The following SEC61A2 variants were observed in gnomAD, a reference collection of about 807,000 sequenced individuals.
SEC61A2 encodes the protein protein transport protein Sec61 subunit alpha isoform 2.
Under a neutral mutation model 59.9 loss-of-function variants are expected in SEC61A2, and 28 were observed. The ratio of observed to expected loss-of-function variants is 0.47; its 90% CI spans 0.35 to 0.64. The LOEUF (loss-of-function observed/expected upper bound fraction) is 0.64. Among genes scored for constraint, SEC61A2 ranks in the 30% least tolerant of loss-of-function variants. The pLI is 0.01. For synonymous variants in SEC61A2, 202 were observed against 214.4 expected (o/e 0.94, Z 0.50); for missense variants, 340 against 585.9 (o/e 0.58, Z 4.33).
At position 12,162,321 on chromosome 10, in the gene SEC61A2, CTGTGTT is replaced by C; in HGVS notation, c.1244+40_1244+45del. 6.5e-7 allele frequency: 1 copy of C among 1,533,824 alleles called. No homozygotes were observed. On this transcript the variant is annotated intron_variant, in intron 11 of 11. Transcript: ENST00000298428. This position sits in a 1 kb window ranked among gnomAD's most constrained non-coding sequence, Gnocchi z 6.1. The stretch of plus-strand genomic sequence containing the variant: ...CTGCTAGACTGACACCTTTATAGGC[CTGTGTT>C]TGTGTTTCAGTCTTTCAGTGTTGGC...
chr10:12,148,685 G>A (rs1292491060), intron 4 of SEC61A2, among the ~76,000 whole-genome samples: 2 of 151,584 alleles, frequency 1.3e-5, no homozygotes, highest in South Asian at 2.1e-4. Flanking sequence ...GACTACAGGC[G>A]CACGCCACCA....
At chr10:12,133,076 C>T (rs1833799463) in intron 1 of SEC61A2, among the ~76,000 whole-genome samples, 165 bp from the exon 2 acceptor site, 1 of 152,186 alleles carries the variant, frequency 6.6e-6, no homozygotes, top group Non-Finnish European at 1.5e-5. Flanking sequence ...ATATCTCTTC[C>T]TTTACATATC....
Position 12,153,593 on chromosome 10 carries a change from A to C in SEC61A2, c.463-2185A>C. The C allele has an allele frequency of 5.1e-6, 4 of 781,202 alleles. No individual in the cohort carries two copies. The South Asian group carries it at 1.2e-4, about 23-fold the overall frequency. The allele number at this position is 781,202 out of a possible 1,614,324, so 48.4% of individuals were successfully genotyped here. The stretch of plus-strand genomic sequence containing the variant: ...ATACTTACAGTCCAAGAATGAAACA[A>C]GTGAAGTGGATGTACACTGATTCAT... On this transcript the variant is annotated intron_variant, in intron 6 of 11. Coordinates refer to ENST00000298428, the MANE Select transcript of SEC61A2 (RefSeq NM_018144.4). The surrounding 1 kb of genome is among the most constrained non-coding windows in gnomAD (Gnocchi z 5.2).
chr10:12,157,134 C>T, intron 8 of SEC61A2, 67 bp downstream of exon 8: 1 of 1,443,696 alleles, frequency 6.9e-7, no homozygotes, highest in Non-Finnish European at 9.6e-7. Context: ...AAGAGAATGC[C>T]ATCTGACATG....
intron 2 of SEC61A2, 74 bp downstream of exon 2, chr10:12,133,382 T>A (rs1833808916): frequency 6.7e-6 from 5 of 743,930 alleles, no homozygotes; most frequent in Non-Finnish European, 9.3e-6. Flanking sequence ...ATTCATTTCC[T>A]TACCTCAGTC....
downstream of SEC61A2, chr10:12,166,837 G>A (rs1012971675): frequency 1.3e-5 from 6 of 452,660 alleles, no homozygotes; most frequent in Admixed American, 1.0e-4. Context: ...AGGGTTTCAG[G>A]CATGGGAACC....
In SEC61A2 at chr10:12,164,745, G is replaced by C; in HGVS notation, c.*291G>C. 1 of 1,161,058 alleles carries C rather than the reference G, an allele frequency of 8.6e-7. No individual in the cohort carries two copies. Among genetic ancestry groups the C allele is most frequent in the South Asian group, 2.6e-5 (1 of 38,306 alleles). The allele number at this position is 1,161,058 out of a possible 1,614,324, so 71.9% of individuals were successfully genotyped here. A position where few individuals can be genotyped will look rare whatever the true frequency, so the allele number is the denominator to read the frequency against. ...TGTTAAATCATGACAGTGAGACGGT[G>C]AGATGGATTCGTTTTGCACACAACA... On this transcript the variant is annotated 3_prime_UTR_variant, in exon 12 of 12. Coordinates refer to ENST00000298428, the MANE Select transcript of SEC61A2 (RefSeq NM_018144.4). The surrounding 1 kb of genome is among the most constrained non-coding windows in gnomAD (Gnocchi z 7.3).
intron 8 of SEC61A2, among the ~76,000 whole-genome samples, chr10:12,157,564 G>A (rs1303644712): frequency 2.7e-5 from 4 of 148,900 alleles, no homozygotes; most frequent in African/African-American, 2.5e-5. Flanking sequence ...GTGCAATGGC[G>A]CAATCCCGGC....
rs879546982 is a variant in SEC61A2, at chr10:12,164,153, G to A, written c.1245-115G>A. On this transcript the variant is annotated intron_variant, in intron 11 of 11. Transcript: ENST00000298428. The surrounding 1 kb of genome is among the most constrained non-coding windows in gnomAD (Gnocchi z 7.3). ...CACACTGCAGCCTGTTCCCTCTGGA[G>A]TTCAGGGAGGCTTTAGACCCAGCTA... 3 of 1,204,450 alleles carry A rather than the reference G, an allele frequency of 2.5e-6. No homozygotes were observed. Among genetic ancestry groups the A allele is most frequent in the Non-Finnish European group, 2.3e-6 (2 of 863,388 alleles). 74.6% of individuals were successfully genotyped at this position (1,204,450 alleles called of 1,614,324 possible).
rs79405453 is a variant in SEC61A2, at chr10:12,131,991, C to A, written c.8-1250C>A. Among the ~76,000 whole-genome samples the A allele has an allele frequency of 6.2e-4, 29 of 46,620 alleles. 1 individual carries two copies. The South Asian group carries it at 0.011, about 18-fold the overall frequency. 30.6% of individuals were successfully genotyped at this position (46,620 alleles called of 152,430 possible). On this transcript the variant is annotated intron_variant, in intron 1 of 11. Coordinates refer to ENST00000298428, the MANE Select transcript of SEC61A2 (RefSeq NM_018144.4). Reference sequence around the variant, plus strand: ...GGATTACAGGCGTGAGCCAACAAGCCCGGCCTACATACTTTAAAAAGGTAA... The same window carrying A: ...GGATTACAGGCGTGAGCCAACAAGCACGGCCTACATACTTTAAAAAGGTAA...
At chr10:12,135,556 A>G (rs1230817494) in intron 2 of SEC61A2, among the ~76,000 whole-genome samples, 1 of 152,172 alleles carries the variant, frequency 6.6e-6, no homozygotes, top group East Asian at 1.9e-4. Flanking sequence ...TGTATCCATC[A>G]CCCAGATAAC....
Position 12,152,774 on chromosome 10 carries a change from TC to T in SEC61A2, c.462+2816del, listed in dbSNP as rs201259251. Among the ~76,000 whole-genome samples, 3,554 of 152,266 alleles carry T rather than the reference TC, an allele frequency of 0.023. 79 individuals carry two copies. The highest frequency in any genetic ancestry group is 0.033 in the Non-Finnish European group (2,221 of 68,014). On this transcript the variant is annotated intron_variant, in intron 6 of 11. Transcript: ENST00000298428. This position sits in a 1 kb window ranked among gnomAD's most constrained non-coding sequence, Gnocchi z 5.5. ...AGGGCGTGGTGGCAGGAGCCTGTAG[TC>T]CCAGCTATTTGGGAGGCTGAGGCCG...
Position 12,149,132 on chromosome 10 carries a change from C to T in SEC61A2, c.221-463C>T, listed in dbSNP as rs767780144. Among the ~76,000 whole-genome samples the T allele has an allele frequency of 4.6e-5, 7 of 152,016 alleles. No homozygotes were observed. Among genetic ancestry groups the T allele is most frequent in the African/African-American group, 1.4e-4 (6 of 41,392 alleles). Reference sequence around the variant, plus strand: ...TGAGATGGAGTCTCACTCTGTTGCCCGGGCTGGAGTGCAGTGGCGCAATCT... The same window carrying T: ...TGAGATGGAGTCTCACTCTGTTGCCTGGGCTGGAGTGCAGTGGCGCAATCT... On this transcript the variant is annotated intron_variant, in intron 4 of 11. Coordinates refer to ENST00000298428, the MANE Select transcript of SEC61A2 (RefSeq NM_018144.4). The surrounding 1 kb of genome is among the most constrained non-coding windows in gnomAD (Gnocchi z 5.2).
intron 3 of SEC61A2, among the ~76,000 whole-genome samples, chr10:12,139,511 G>A (rs530786543): frequency 2.0e-5 from 3 of 151,784 alleles, no homozygotes; most frequent in South Asian, 4.2e-4. Flanking sequence ...TGAGCTGGGC[G>A]CGGTAGCTCA....
chr10:12,167,669 C>T (rs763230843), downstream of SEC61A2: 7 of 1,601,468 alleles, frequency 4.4e-6, no homozygotes, highest in South Asian at 4.4e-5. Context: ...CTGGTGGTCT[C>T]GTTTACAAAA....
downstream of SEC61A2, chr10:12,166,265 A>T (rs1315948682): frequency 6.5e-6 from 1 of 153,358 alleles, no homozygotes; most frequent in Non-Finnish European, 1.5e-5. Flanking sequence ...CTTGATTTCA[A>T]TGATTGATAG....
intron 8 of SEC61A2, 22 bp downstream of exon 8, chr10:12,157,089 A>G: frequency 5.6e-6 from 9 of 1,602,920 alleles, no homozygotes; most frequent in Non-Finnish European, 4.3e-6. Flanking sequence ...CTTTTCACCA[A>G]AGTAAGTGGG....
Position 12,161,077 on chromosome 10 carries a change from TTCTCTA to T in SEC61A2, c.1124_1129del (p.Phe375_Lys377delinsTer). On this transcript the variant is annotated stop_gained and inframe_deletion, in exon 10 of 12. Coordinates refer to ENST00000298428, the MANE Select transcript of SEC61A2 (RefSeq NM_018144.4). LOFTEE classifies it high-confidence loss of function. The surrounding 1 kb of genome is among the most constrained non-coding windows in gnomAD (Gnocchi z 5.4). Reference sequence around the variant, plus strand: ...CTTCATGTTGGGGTCATGTGCATTCTTCTCTAAGACATGGATTGAAGTGTCTGGTTC... The same window carrying T: ...CTTCATGTTGGGGTCATGTGCATTCTAGACATGGATTGAAGTGTCTGGTTC... The T allele has an allele frequency of 6.2e-7, 1 of 1,613,836 alleles. No homozygotes were observed. The highest frequency in any genetic ancestry group is 8.5e-7 in the Non-Finnish European group (1 of 1,179,864).
intron 4 of SEC61A2, among the ~76,000 whole-genome samples, chr10:12,148,831 C>G (rs1201797257): frequency 6.6e-6 from 1 of 152,052 alleles, no homozygotes; most frequent in Non-Finnish European, 1.5e-5. Context: ...GCCAATAAAT[C>G]TATCTAATGT....
Sources: allele counts gnomAD v4.1 joint callset (sites outside exome capture counted in the v4.1 genomes callset), GRCh38; gene constraint gnomAD v4.1.1; non-coding constraint Gnocchi (gnomAD v3.1); transcripts MANE v1.5; gene names NCBI Gene and HGNC (gene_info 2026-07-23, HGNC 2026-07-21).